Variants in NSD1 observed in about 807,000 individuals in gnomAD.
The protein encoded by NSD1 is nuclear receptor binding SET domain protein 1.
A neutral mutation model predicts 242.7 loss-of-function variants in NSD1; 26 were observed. The ratio of observed to expected loss-of-function variants is 0.11; its 90% CI spans 0.08 to 0.15. The LOEUF is 0.15. Among genes scored for constraint, NSD1 ranks in the 10% least tolerant of loss-of-function variants. The pLI, the probability that NSD1 is intolerant of heterozygous loss-of-function variation, is 1.00. For synonymous variants in NSD1, 1,106 were observed against 1,178.1 expected (o/e 0.94, Z 1.25); for missense variants, 2,495 against 3,272.8 (o/e 0.76, Z 5.80).
Position 177,238,639 on chromosome 5 carries a change from C to T in NSD1, c.4192+132C>T, listed in dbSNP as rs541749935. ...CTACCCCCTTTTGTCCTGGGAAATA[C>T]TTAAAATGATGGTTAATTAGATATA... On this transcript the variant is annotated intron_variant, in intron 7 of 22. Coordinates refer to ENST00000439151, the MANE Select transcript of NSD1 (RefSeq NM_022455.5). This position sits in a 1 kb window ranked among gnomAD's most constrained non-coding sequence, Gnocchi z 4.6. 9.9e-7 allele frequency: 1 copy of T among 1,011,582 alleles called. No homozygotes were observed. The highest frequency in any genetic ancestry group is 1.3e-5 in the South Asian group (1 of 75,696). 62.7% of individuals were successfully genotyped at this position (1,011,582 alleles called of 1,614,324 possible). A position where few individuals can be genotyped will look rare whatever the true frequency, so the allele number is the denominator to read the frequency against.
In NSD1 at chr5:177,181,134, G is replaced by T. The variant is rs535134100; in HGVS notation, c.928-10750G>T. Among the ~76,000 whole-genome samples the T allele has an allele frequency of 1.1e-4, 17 of 148,786 alleles. 1 individual carries two copies. In the South Asian group the frequency reaches 3.7e-3, roughly 32 times the overall value. ...GCTCACTGCAAACTCCGCCTCCCAGGTTCTCCTGCCTCAGCCTCCCTAATA... is the reference window on the plus strand; with the variant it reads ...GCTCACTGCAAACTCCGCCTCCCAGTTTCTCCTGCCTCAGCCTCCCTAATA... On this transcript the variant is annotated intron_variant, in intron 2 of 22. Coordinates refer to ENST00000439151, the MANE Select transcript of NSD1 (RefSeq NM_022455.5).
intron 19 of NSD1, 76 bp downstream of exon 19, chr5:177,282,657 C>A: frequency 1.8e-6 from 2 of 1,091,270 alleles, no homozygotes; most frequent in Non-Finnish European, 2.8e-6. Flanking sequence ...TATTTGTAGG[C>A]ATGTAACGCA....
At chr5:177,240,660 C>T (rs965595830) in intron 8 of NSD1, among the ~76,000 whole-genome samples, 3 of 152,142 alleles carry the variant, frequency 2.0e-5, no homozygotes, top group African/African-American at 4.8e-5. Context: ...TTGCAGTGAG[C>T]CGAGATGGCG....
At chr5:177,209,596 C>G in intron 4 of NSD1, 40 bp from the exon 5 acceptor site, 2 of 1,426,944 alleles carry the variant, frequency 1.4e-6, no homozygotes, top group Non-Finnish European at 2.0e-6. Context: ...CCACCCATTT[C>G]TTTGATAAGT....
intron 4 of NSD1, among the ~76,000 whole-genome samples, chr5:177,208,447 A>G (rs950240109): frequency 5.3e-5 from 8 of 149,596 alleles, no homozygotes; most frequent in Non-Finnish European, 1.0e-4. Flanking sequence ...GATTCCTCTT[A>G]TCCTGTTTTT....
At chr5:177,284,612 C>A (rs1049547995) in intron 20 of NSD1, among the ~76,000 whole-genome samples, 1 of 152,160 alleles carries the variant, frequency 6.6e-6, no homozygotes, top group Non-Finnish European at 1.5e-5. Context: ...AGCACAGTGT[C>A]TTCGGAACAT....
rs1562316101 is a variant in NSD1 at position 177,297,668 on chromosome 5, CG to C, written c.*2215del. The C allele has an allele frequency of 8.7e-6, 1 of 115,380 alleles. No homozygotes were observed. The highest frequency in any genetic ancestry group is 1.5e-5 in the Non-Finnish European group (1 of 66,200). 7.1% of individuals were successfully genotyped at this position (115,380 alleles called of 1,614,324 possible). Reference sequence around the variant, plus strand: ...AAATAAACTGTGAATTTGGGGGGGGCGGGGGGAGGGCGTGCAGGCCATGTAA... The same window carrying C: ...AAATAAACTGTGAATTTGGGGGGGGCGGGGGAGGGCGTGCAGGCCATGTAA... On this transcript the variant is annotated 3_prime_UTR_variant, in exon 23 of 23. Transcript: ENST00000439151.
At chr5:177,187,782 C>T (rs1274121827) in intron 2 of NSD1, among the ~76,000 whole-genome samples, 1 of 152,130 alleles carries the variant, frequency 6.6e-6, no homozygotes, top group Admixed American at 6.6e-5. Context: ...GAAACAGTTG[C>T]ACTGAATTAA....
At chr5:177,287,002 C>T (rs1230106681) in intron 20 of NSD1, among the ~76,000 whole-genome samples, 1 of 152,170 alleles carries the variant, frequency 6.6e-6, no homozygotes, top group Admixed American at 6.5e-5. Flanking sequence ...ACTTCCTGGG[C>T]CCTTCACATA....
At chr5:177,282,396 A>C in intron 18 of NSD1, 69 bp from the exon 19 acceptor site, 1 of 980,898 alleles carries the variant, frequency 1.0e-6, no homozygotes, top group Non-Finnish European at 1.7e-6. Context: ...TAATTTTTTA[A>C]AAAAATGTAT....
Position 177,211,777 on chromosome 5 carries a change from A to G in NSD1, c.3378A>G (p.Gly1126=), listed in dbSNP as rs928198697. 6.2e-7 allele frequency: 1 copy of G among 1,613,878 alleles called. No homozygotes were observed. Among genetic ancestry groups the G allele is most frequent in the Non-Finnish European group, 8.5e-7 (1 of 1,180,012 alleles). ...ATCCTGGTAAAATTTCTGAAAAAGG[A>G]CTCTCTTTTGAAAACGGAAAAGGCC... ...QSDPGKISEK[G]LSFENGKGPE... Residue 1126 remains glycine, a synonymous_variant, in exon 5 of 23, where the codon GGA becomes GGG. Coordinates refer to ENST00000439151, the MANE Select transcript of NSD1 (RefSeq NM_022455.5).
chr5:177,224,198 A>G (rs1254728797), intron 5 of NSD1, among the ~76,000 whole-genome samples: 1 of 152,190 alleles, frequency 6.6e-6, no homozygotes, highest in Admixed American at 6.5e-5. Flanking sequence ...GTTTCTGCAA[A>G]AAAGCCAGTT....
chr5:177,182,918 G>A lies in NSD1; in HGVS notation c.928-8966G>A, dbSNP rs184044874. On this transcript the variant is annotated intron_variant, in intron 2 of 22. Transcript: ENST00000439151. ...CTCCCAAAGTGCTGGCATTACAGGC[G>A]TGAGCCACCGTGCCTGGCCTCTTTT... 4.6e-3 allele frequency among the ~76,000 whole-genome samples: 693 copies of A among 152,226 alleles called. 8 individuals are homozygous for A. The highest frequency in any genetic ancestry group is 0.016 in the African/African-American group (654 of 41,548).
Position 177,291,967 on chromosome 5 carries a change from C to G in NSD1, c.6272C>G (p.Ala2091Gly). Reference protein sequence around the residue: ...LGVRPKNQPIATEEKSKKFKK... With the variant: ...LGVRPKNQPIGTEEKSKKFKK... ...TCTGACCTGTAGAATCAACCCATTG[C>G]CACGGAAGAAAAGTCAAAGAAATTC... Residue 2091 changes from alanine to glycine, a missense_variant, in exon 22 of 23, where the codon GCC becomes GGC. Transcript: ENST00000439151. 1 of 1,613,580 alleles carries G rather than the reference C, an allele frequency of 6.2e-7. No individual in the cohort carries two copies. The highest frequency in any genetic ancestry group is 8.5e-7 in the Non-Finnish European group (1 of 1,179,776).
chr5:177,244,924 A>G (rs1429596426), intron 9 of NSD1, among the ~76,000 whole-genome samples: 1 of 152,214 alleles, frequency 6.6e-6, no homozygotes, highest in African/African-American at 2.4e-5. Context: ...TTTCAAAATA[A>G]TATCAGGCCG....
At chr5:177,229,746 AT>A (rs763140824) in intron 5 of NSD1, 5 of 411,996 alleles carry the variant, frequency 1.2e-5, no homozygotes, top group South Asian at 1.7e-5. Context: ...CTTTTTATGT[AT>A]TTTTTTATTT....
At chr5:177,259,677 G>A (rs893289215) in intron 13 of NSD1, among the ~76,000 whole-genome samples, 2 of 152,148 alleles carry the variant, frequency 1.3e-5, no homozygotes, top group Non-Finnish European at 2.9e-5. Flanking sequence ...AAGCATTATT[G>A]TTGTCTCCCC....
chr5:177,144,319 C>T (rs1757062851), intron 2 of NSD1, among the ~76,000 whole-genome samples: 1 of 151,926 alleles, frequency 6.6e-6, no homozygotes, highest in African/African-American at 2.4e-5. Context: ...AGTGATCCAC[C>T]GCCCTCAGCC....
chr5:177,169,070 T>C (rs1212836090), intron 2 of NSD1, among the ~76,000 whole-genome samples: 1 of 152,150 alleles, frequency 6.6e-6, no homozygotes, highest in Admixed American at 6.5e-5. Flanking sequence ...TTGCATCTCA[T>C]TGATTTGCTG....
Sources: allele counts gnomAD v4.1 joint callset (sites outside exome capture counted in the v4.1 genomes callset), GRCh38; gene constraint gnomAD v4.1.1; non-coding constraint Gnocchi (gnomAD v3.1); transcripts MANE v1.5; gene names NCBI Gene and HGNC (gene_info 2026-07-23, HGNC 2026-07-21).